Variants in RP9 observed in about 807,000 individuals in gnomAD.
RP9 encodes the protein RP9 pre-mRNA splicing factor.
RP9 carries 23 observed loss-of-function variants against 32.6 expected under a neutral mutation model. That is an observed-to-expected ratio of 0.71 (90% confidence interval 0.51 to 1.00). The LOEUF is 1.00. Ranked by LOEUF, RP9 falls within the 50% of genes least tolerant of loss-of-function variation. The pLI, the probability that RP9 is intolerant of heterozygous loss-of-function variation, is 0.00. For synonymous variants in RP9, 94 were observed against 103.6 expected (o/e 0.91, Z 0.56); for missense variants, 245 against 285.3 (o/e 0.86, Z 1.02).
Position 33,109,302 on chromosome 7 carries a change from T to G in RP9, c.71A>C (p.Gln24Pro). 1 of 1,473,158 alleles carries G rather than the reference T, an allele frequency of 6.8e-7. No individual in the cohort carries two copies. Among genetic ancestry groups the G allele is most frequent in the Non-Finnish European group, 9.0e-7 (1 of 1,116,418 alleles). The allele number at this position is 1,473,158 out of a possible 1,614,324, so 91.3% of individuals were successfully genotyped here. A position where few individuals can be genotyped will look rare whatever the true frequency, so the allele number is the denominator to read the frequency against. Residue 24 changes from glutamine to proline, a missense_variant, in exon 1 of 6, where the codon CAG becomes CCG. Physicochemically the swap from Gln to Pro is moderately conservative, Grantham distance 76. Coordinates refer to ENST00000297157, the MANE Select transcript of RP9 (RefSeq NM_203288.2). This position sits in a 1 kb window ranked among gnomAD's most constrained non-coding sequence, Gnocchi z 4.9. Reference protein sequence around the residue: ...GARRPREPPEQELQRRREQKR... With the variant: ...GARRPREPPEPELQRRREQKR... ...CTGCTCCCGACGTCGCTGCAGCTCC[T>G]GCTCCGGCGGCTCACGCGGCCGCCG...
intron 3 of RP9, 96 bp downstream of exon 3, chr7:33,099,211 G>A (rs1788389250): frequency 7.1e-7 from 1 of 1,410,382 alleles, no homozygotes; most frequent in African/African-American, 1.4e-5. Flanking sequence ...GCTGTAAGAG[G>A]GCTGTGATGA....
At chr7:33,096,175 T>C (rs555284078) in intron 5 of RP9, among the ~76,000 whole-genome samples, 2 of 152,336 alleles carry the variant, frequency 1.3e-5, no homozygotes, top group African/African-American at 4.8e-5. Flanking sequence ...CTAAAGACTC[T>C]GGAGAAGATA....
chr7:33,107,889 G>C (rs1417748967), intron 1 of RP9, among the ~76,000 whole-genome samples: 2 of 152,140 alleles, frequency 1.3e-5, no homozygotes, highest in African/African-American at 4.8e-5. Context: ...TTTATGGACA[G>C]GAAAAGGAAA....
rs559138961 is a variant in RP9, at chr7:33,108,346, C to G, written c.152+875G>C. Among the ~76,000 whole-genome samples, 19 of 152,260 alleles carry G rather than the reference C, an allele frequency of 1.2e-4. No individual in the cohort carries two copies. In the East Asian group the frequency reaches 3.7e-3, roughly 29 times the overall value. ...TGTGTTAGAATTTAGGAAACGCCAC[C>G]CTGATAAATGACTGCAAAAGACAAG... On this transcript the variant is annotated intron_variant, in intron 1 of 5. Transcript: ENST00000297157.
Position 33,109,358 on chromosome 7 carries a change from A to T in RP9, c.15T>A (p.Pro5=). MSSR[P]GREDVGAAGA... The stretch of plus-strand genomic sequence containing the variant: ...CCGCAGCCCCCACGTCCTCGCGCCC[A>T]GGCCGGGACGACATGTCAGCCCCCG... The change falls in exon 1 of 6, where the codon CCT becomes CCA. Residue 5 remains proline, a synonymous_variant. Coordinates refer to ENST00000297157, the MANE Select transcript of RP9 (RefSeq NM_203288.2). This position sits in a 1 kb window ranked among gnomAD's most constrained non-coding sequence, Gnocchi z 4.9. 1.4e-6 allele frequency: 2 copies of T among 1,422,626 alleles called. No individual in the cohort carries two copies. Among genetic ancestry groups the T allele is most frequent in the South Asian group, 1.4e-5 (1 of 73,696 alleles). 88.1% of individuals were successfully genotyped at this position (1,422,626 alleles called of 1,614,324 possible).
intron 5 of RP9, 39 bp from the exon 6 acceptor site, chr7:33,095,471 G>C: frequency 6.2e-7 from 1 of 1,611,658 alleles, no homozygotes. Context: ...GTGAGTTTTA[G>C]CTTTAACTTA....
chr7:33,097,911 C>T (rs11763923), intron 3 of RP9, among the ~76,000 whole-genome samples: 75,782 of 151,896 alleles, frequency 0.5, 19,172 homozygotes, highest in African/African-American at 0.57. Context: ...TGAGCCACCA[C>T]GCCCGGCCCA....
intron 1 of RP9, among the ~76,000 whole-genome samples, chr7:33,107,169 C>T (rs1041093560): frequency 3.9e-5 from 6 of 152,158 alleles, no homozygotes; most frequent in African/African-American, 1.4e-4. Flanking sequence ...AAACAAGATT[C>T]TGAACTGGCC....
At position 33,099,389 on chromosome 7, in the gene RP9, A is replaced by C; in HGVS notation, c.231T>G (p.Asn77Lys). The C allele has an allele frequency of 6.2e-7, 1 of 1,613,334 alleles. No homozygotes were observed. The highest frequency in any genetic ancestry group is 8.5e-7 in the Non-Finnish European group (1 of 1,179,914). ...GAGCCAGAAATTCCCTGGCGTGTTC[A>C]TTGCCTGGTACATCTGGTATGCAAT... ...PEDCIPDVPG[N>K]EHAREFLAHA... is the part of the protein sequence containing the mutation. The change falls in exon 3 of 6, where the codon AAT becomes AAG. Residue 77 changes from asparagine (N) to lysine (K), a missense_variant. Physicochemically the swap from Asn to Lys is moderately conservative, Grantham distance 94. Transcript: ENST00000297157.
At chr7:33,106,252 C>A (rs1398839835) in intron 1 of RP9, among the ~76,000 whole-genome samples, 1 of 152,000 alleles carries the variant, frequency 6.6e-6, no homozygotes, top group Non-Finnish European at 1.5e-5. Context: ...ACTGCAGCCT[C>A]AACCTCCCAG....
intron 2 of RP9, chr7:33,100,253 G>A: frequency 1.9e-6 from 1 of 518,762 alleles, no homozygotes; most frequent in Admixed American, 3.3e-5. Flanking sequence ...AAGGAGCTTA[G>A]AGATGCCATC....
At chr7:33,096,991 A>C (rs891614884) in intron 4 of RP9, among the ~76,000 whole-genome samples, 6 of 152,250 alleles carry the variant, frequency 3.9e-5, no homozygotes, top group Non-Finnish European at 2.9e-5. Context: ...AAATTTTAAA[A>C]AGTGCGGTTG....
At chr7:33,098,018 T>C (rs766070579) in intron 3 of RP9, among the ~76,000 whole-genome samples, 7 of 152,350 alleles carry the variant, frequency 4.6e-5, no homozygotes, top group Non-Finnish European at 8.8e-5. Flanking sequence ...TTAGACACTA[T>C]AAAAGCTTCT....
chr7:33,109,146 C>A lies in RP9; in HGVS notation c.152+75G>T. On this transcript the variant is annotated intron_variant, in intron 1 of 5. Coordinates refer to ENST00000297157, the MANE Select transcript of RP9 (RefSeq NM_203288.2). The surrounding 1 kb of genome is among the most constrained non-coding windows in gnomAD (Gnocchi z 4.9). ...GGGCTCGGAGGACCCGGCCTAGCGC[C>A]CACCGCGGCGTCCCGCGCCCCGGGC... 6.9e-7 allele frequency: 1 copy of A among 1,451,746 alleles called. No homozygotes were observed. Among genetic ancestry groups the A allele is most frequent in the Non-Finnish European group, 9.1e-7 (1 of 1,102,618 alleles). 89.9% of individuals were successfully genotyped at this position (1,451,746 alleles called of 1,614,324 possible).
chr7:33,105,644 C>G (rs563467292), intron 1 of RP9, among the ~76,000 whole-genome samples: 1 of 152,114 alleles, frequency 6.6e-6, no homozygotes. Context: ...GATCAGGACC[C>G]CTCATTCCAG....
intron 1 of RP9, among the ~76,000 whole-genome samples, chr7:33,102,195 T>C (rs1193868958): frequency 6.6e-6 from 1 of 152,260 alleles, no homozygotes; most frequent in East Asian, 1.9e-4. Context: ...TTCCCGGGGC[T>C]GAACAATTCA....
intron 3 of RP9, among the ~76,000 whole-genome samples, chr7:33,097,840 C>G (rs113839318): frequency 0.5 from 75,683 of 151,716 alleles, 19,160 homozygotes; most frequent in African/African-American, 0.57. Flanking sequence ...GGCTGGTCTT[C>G]AACTCCTGAC....
chr7:33,103,258 T>TA (rs1425906241), intron 1 of RP9, among the ~76,000 whole-genome samples: 7 of 152,186 alleles, frequency 4.6e-5, no homozygotes, highest in African/African-American at 1.7e-4. Context: ...GCTGCAGGGT[T>TA]AGCCTCTCCA....
At chr7:33,101,601 T>TAA (rs143652426) in intron 1 of RP9, among the ~76,000 whole-genome samples, 1 of 144,856 alleles carries the variant, frequency 6.9e-6, no homozygotes, top group Non-Finnish European at 1.5e-5. Flanking sequence ...GACTCTGTCT[T>TAA]AAAAAAAAAA....
Sources: gnomAD v4.1 joint callset for allele counts (sites outside exome capture counted in the v4.1 genomes callset) on GRCh38, gnomAD v4.1.1 for gene constraint, Gnocchi (gnomAD v3.1) non-coding constraint, MANE v1.5 for transcripts, NCBI Gene and HGNC (gene_info 2026-07-23, HGNC 2026-07-21) for gene names.